Variants in SATB2 observed in about 807,000 individuals in gnomAD.
SATB2 encodes the protein DNA-binding protein SATB2.
A neutral mutation model predicts 73.4 loss-of-function variants in SATB2; 1 was observed. That is an observed-to-expected ratio of 0.01 (90% CI 0.00 to 0.06). The LOEUF (loss-of-function observed/expected upper bound fraction) is 0.06. Among genes scored for constraint, SATB2 ranks in the 10% least tolerant of loss-of-function variants. The pLI is 1.00. For missense variants in SATB2, 459 were observed against 945.8 expected (o/e 0.49, Z 6.75); for synonymous variants, 397 against 367.0 (o/e 1.08, Z -0.93).
At chr2:199,340,838 A>C (rs1441933954) in intron 7 of SATB2, among the ~76,000 whole-genome samples, 2 of 152,192 alleles carry the variant, frequency 1.3e-5, no homozygotes. Context: ...GTTTGGATCA[A>C]AGCTTCCTCT....
At chr2:199,371,790 G>T (rs1301547344) in intron 5 of SATB2, among the ~76,000 whole-genome samples, 1 of 152,092 alleles carries the variant, frequency 6.6e-6, no homozygotes, top group Non-Finnish European at 1.5e-5. Context: ...ACCAACTCGA[G>T]TATCTCTGTT....
chr2:199,289,905 CTT>C (rs1692803758), intron 10 of SATB2, among the ~76,000 whole-genome samples: 2 of 152,208 alleles, frequency 1.3e-5, no homozygotes, highest in Admixed American at 1.3e-4. Context: ...AATTCAGACT[CTT>C]ATAATCTCTT....
chr2:199,281,993 T>C (rs1056513652), intron 10 of SATB2, among the ~76,000 whole-genome samples: 2 of 151,874 alleles, frequency 1.3e-5, no homozygotes, highest in African/African-American at 4.8e-5. Context: ...GCCATTCTCC[T>C]GCCTCAGCCT....
upstream of SATB2, chr2:199,469,847 C>G (rs1223212338): frequency 6.6e-6 from 1 of 152,444 alleles, no homozygotes; most frequent in African/African-American, 2.4e-5. Flanking sequence ...ATGTTCACAC[C>G]TATTACATTT....
upstream of SATB2, chr2:199,459,684 C>G (rs1434807505): frequency 6.5e-6 from 1 of 152,852 alleles, no homozygotes; most frequent in Non-Finnish European, 1.5e-5. This position sits in a 1 kb window ranked among gnomAD's most constrained non-coding sequence, Gnocchi z 4.2. Flanking sequence ...CAAGAGCCAC[C>G]GATCCCCCTT....
chr2:199,418,778 CT>C (rs1307924646), intron 3 of SATB2, among the ~76,000 whole-genome samples: 6 of 152,144 alleles, frequency 3.9e-5, no homozygotes, highest in African/African-American at 1.2e-4. Context: ...ATAATGCCCC[CT>C]GTGTGTGAGA....
upstream of SATB2, chr2:199,458,481 C>A (rs943189137): frequency 2.6e-6 from 1 of 387,818 alleles, no homozygotes. Context: ...CCGCGGCCAG[C>A]GGGTGGGTGC....
chr2:199,411,236 T>G (rs1690806073), intron 3 of SATB2, among the ~76,000 whole-genome samples: 1 of 151,852 alleles, frequency 6.6e-6, no homozygotes, highest in Admixed American at 6.6e-5. Context: ...AAAAAAAAAT[T>G]CACCTCTTTG....
intron 7 of SATB2, among the ~76,000 whole-genome samples, chr2:199,338,101 C>T (rs1053114472): frequency 9.2e-5 from 14 of 152,218 alleles, no homozygotes; most frequent in African/African-American, 2.9e-4. Flanking sequence ...TGGTGGCTCA[C>T]GCCTATAATC....
chr2:199,394,975 GTTGT>G (rs1192404182), intron 3 of SATB2, among the ~76,000 whole-genome samples: 2 of 151,938 alleles, frequency 1.3e-5, no homozygotes, highest in African/African-American at 4.8e-5. Context: ...CTCATTTCAT[GTTGT>G]TTTATTTTGT....
Position 199,293,654 on chromosome 2 carries a change from G to C in SATB2, c.1740+15106C>G, listed in dbSNP as rs1305983585. On this transcript the variant is annotated intron_variant, in intron 10 of 10. Transcript: ENST00000417098. ...CGTTTGTAAAAATGTAATTATCCAT[G>C]ATATGCTATTACCCATGATATGCTA... 1.4e-4 allele frequency among the ~76,000 whole-genome samples: 21 copies of C among 152,222 alleles called. No homozygotes were observed. The East Asian group carries it at 3.9e-3, about 28-fold the overall frequency.
chr2:199,317,055 G>T (rs1197812274), intron 9 of SATB2, among the ~76,000 whole-genome samples: 1 of 151,780 alleles, frequency 6.6e-6, no homozygotes, highest in African/African-American at 2.4e-5. Flanking sequence ...GGTGGCAGGG[G>T]TGGGGCGGTA....
At chr2:199,444,694 A>T (rs1324420423) in intron 2 of SATB2, among the ~76,000 whole-genome samples, 2 of 152,222 alleles carry the variant, frequency 1.3e-5, no homozygotes, top group South Asian at 2.1e-4. Context: ...ATCTGGGGTT[A>T]ACTTAATAGT....
intron 3 of SATB2, among the ~76,000 whole-genome samples, chr2:199,421,860 T>C (rs1691180687): frequency 6.6e-6 from 1 of 152,210 alleles, no homozygotes; most frequent in Non-Finnish European, 1.5e-5. Flanking sequence ...AAATCTGGCC[T>C]TGCACCTGCA....
chr2:199,357,262 T>C (rs1490324135), intron 6 of SATB2, among the ~76,000 whole-genome samples: 1 of 152,210 alleles, frequency 6.6e-6, no homozygotes, highest in African/African-American at 2.4e-5. Flanking sequence ...GGATAAGTCA[T>C]CTGAATGGTA....
chr2:199,371,170 T>G (rs773492135), intron 5 of SATB2, among the ~76,000 whole-genome samples: 1 of 152,164 alleles, frequency 6.6e-6, no homozygotes, highest in Non-Finnish European at 1.5e-5. Context: ...GGGAATATTT[T>G]AAAAGAAAGG....
At chr2:199,329,543 T>A (rs1688128450) in intron 7 of SATB2, among the ~76,000 whole-genome samples, 1 of 151,626 alleles carries the variant, frequency 6.6e-6, no homozygotes, top group Non-Finnish European at 1.5e-5. Flanking sequence ...GGCACCCAAA[T>A]CTTTCATGAG....
chr2:199,438,340 C>CTGA (rs1445690451), intron 2 of SATB2, among the ~76,000 whole-genome samples: 2 of 152,164 alleles, frequency 1.3e-5, no homozygotes, highest in Non-Finnish European at 2.9e-5. Flanking sequence ...TTATCACAAA[C>CTGA]TGATACTAGG....
chr2:199,271,427 T>G lies in SATB2; in HGVS notation c.*784A>C, dbSNP rs1692151646. The G allele has an allele frequency of 6.5e-6, 1 of 152,710 alleles. No homozygotes were observed. The highest frequency in any genetic ancestry group is 1.5e-5 in the Non-Finnish European group (1 of 68,022). The allele number at this position is 152,710 out of a possible 1,614,324, so 9.5% of individuals were successfully genotyped here. On this transcript the variant is annotated 3_prime_UTR_variant, in exon 11 of 11. Transcript: ENST00000417098. Reference sequence around the variant, plus strand: ...GTGTGCATTGTGTCTTTAAGATTTATTTGACTTGTATCATTTTAATGTGCC... The same window carrying G: ...GTGTGCATTGTGTCTTTAAGATTTAGTTGACTTGTATCATTTTAATGTGCC...
Sources: gnomAD v4.1 joint callset for allele counts (sites outside exome capture counted in the v4.1 genomes callset) on GRCh38, gnomAD v4.1.1 for gene constraint, Gnocchi (gnomAD v3.1) non-coding constraint, MANE v1.5 for transcripts, NCBI Gene and HGNC (gene_info 2026-07-23, HGNC 2026-07-21) for gene names.